MIS18BP1: variants seen among roughly 807,000 people sequenced by gnomAD.
MIS18BP1 encodes MIS18 binding protein 1, also known as mis18-binding protein 1.
A neutral mutation model predicts 116.1 loss-of-function variants in MIS18BP1; 72 were observed. The ratio of observed to expected loss-of-function variants is 0.62; its 90% CI spans 0.51 to 0.75. The LOEUF (loss-of-function observed/expected upper bound fraction) is 0.75. Among genes scored for constraint, MIS18BP1 ranks in the 30% least tolerant of loss-of-function variants. The pLI, the probability that MIS18BP1 is intolerant of heterozygous loss-of-function variation, is 0.00. For missense variants in MIS18BP1, 1,363 were observed against 1,303.2 expected (o/e 1.05, Z -0.71); for synonymous variants, 386 against 427.0 (o/e 0.90, Z 1.18).
intron 11 of MIS18BP1, among the ~76,000 whole-genome samples, chr14:45,219,884 A>T (rs1309111325): frequency 6.6e-6 from 1 of 152,264 alleles, no homozygotes; most frequent in Non-Finnish European, 1.5e-5. Flanking sequence ...ATAAGAAATT[A>T]GTACTTAACA....
intron 13 of MIS18BP1, among the ~76,000 whole-genome samples, chr14:45,211,716 C>G (rs1890678285): frequency 6.6e-6 from 1 of 152,194 alleles, no homozygotes; most frequent in Admixed American, 6.5e-5. Context: ...CCAGACACAC[C>G]TATCTGATCT....
chr14:45,203,317 C>G lies in MIS18BP1; in HGVS notation c.*792G>C, dbSNP rs1450285913. 1 of 151,942 alleles carries G rather than the reference C, an allele frequency of 6.6e-6. No individual in the cohort carries two copies. The highest frequency in any genetic ancestry group is 1.5e-5 in the Non-Finnish European group (1 of 67,990). The allele number at this position is 151,942 out of a possible 1,614,324, so 9.4% of individuals were successfully genotyped here. A position where few individuals can be genotyped will look rare whatever the true frequency, so the allele number is the denominator to read the frequency against. Reference sequence around the variant, plus strand: ...ATAACAAGCAAAAATAAGTTTATTTCTAAAAGAAATTTCAGTGAAAGAAAA... The same window carrying G: ...ATAACAAGCAAAAATAAGTTTATTTGTAAAAGAAATTTCAGTGAAAGAAAA... On this transcript the variant is annotated 3_prime_UTR_variant, in exon 17 of 17. Coordinates refer to ENST00000310806, the MANE Select transcript of MIS18BP1 (RefSeq NM_018353.5).
At chr14:45,212,225 T>C (rs962636324) in intron 13 of MIS18BP1, among the ~76,000 whole-genome samples, 1 of 152,074 alleles carries the variant, frequency 6.6e-6, no homozygotes, top group Admixed American at 6.6e-5. Context: ...CCTTAATGTG[T>C]GTATGGGCCC....
chr14:45,230,122 C>CGA (rs1435723453), intron 8 of MIS18BP1, among the ~76,000 whole-genome samples: 3 of 152,134 alleles, frequency 2.0e-5, no homozygotes, highest in Non-Finnish European at 4.4e-5. Context: ...TGAACTCTTT[C>CGA]AAGTTTTGGA....
intron 13 of MIS18BP1, among the ~76,000 whole-genome samples, chr14:45,211,007 C>T (rs1007604348): frequency 3.3e-5 from 5 of 152,172 alleles, no homozygotes; most frequent in African/African-American, 1.2e-4. Context: ...AGCCTGTAAC[C>T]GAGTAGCGTG....
chr14:45,204,615 T>C (rs532853733), intron 15 of MIS18BP1, among the ~76,000 whole-genome samples, 162 bp from the exon 16 acceptor site: 40 of 152,242 alleles, frequency 2.6e-4, no homozygotes, highest in Non-Finnish European at 3.2e-4. Context: ...AATTCTCTTT[T>C]GGGTTTATCC....
rs933681053 is a variant in MIS18BP1, at chr14:45,228,364, C to T, written c.1595-550G>A. Among the ~76,000 whole-genome samples, 6 of 152,274 alleles carry T rather than the reference C, an allele frequency of 3.9e-5. No individual in the cohort carries two copies. In the South Asian group the frequency reaches 1.2e-3, roughly 32 times the overall value. On this transcript the variant is annotated intron_variant, in intron 8 of 16. Transcript: ENST00000310806. Reference sequence around the variant, plus strand: ...TTCACGACCATCTGTTTTGGATCTCCTTTGTCACATCTAAAGACAGAATAG... The same window carrying T: ...TTCACGACCATCTGTTTTGGATCTCTTTTGTCACATCTAAAGACAGAATAG...
chr14:45,227,447 A>G (rs141691717), intron 9 of MIS18BP1, among the ~76,000 whole-genome samples: 2 of 151,650 alleles, frequency 1.3e-5, no homozygotes, highest in East Asian at 3.9e-4. Context: ...GTGGAGGTTG[A>G]GGCAGGAGAA....
At chr14:45,240,903 A>AAAAT (rs1297097801) in intron 4 of MIS18BP1, among the ~76,000 whole-genome samples, 4 of 152,094 alleles carry the variant, frequency 2.6e-5, no homozygotes, top group South Asian at 2.1e-4. Context: ...CTCTGTCTCC[A>AAAAT]AAATAAATAA....
At position 45,231,298 on chromosome 14, in the gene MIS18BP1, C is replaced by G; in HGVS notation, c.1437G>C (p.Arg479Ser). 1 of 1,569,948 alleles carries G rather than the reference C, an allele frequency of 6.4e-7. No individual in the cohort carries two copies. The change falls in exon 8 of 17, where the codon AGG becomes AGC. Residue 479 changes from arginine (R) to serine (S), a missense_variant and splice_region_variant. Transcript: ENST00000310806. The part of the protein sequence containing the change: ...EHIDNFLEQL[R>S]AGEKNREKTK... ...TCTTTTCCCTGTTCTTTTCACCAGC[C>G]CTTTAAAAACAATTATTTTATTTTT... is the stretch of plus-strand genomic sequence containing the variant.
intron 2 of MIS18BP1, among the ~76,000 whole-genome samples, chr14:45,245,528 C>G (rs1272967993): frequency 2.0e-5 from 3 of 152,094 alleles, no homozygotes; most frequent in African/African-American, 7.2e-5. Context: ...TCAAGCCCAG[C>G]TAATTTTGTA....
In MIS18BP1 at chr14:45,235,915, T is replaced by A; in HGVS notation, c.1247A>T (p.Asn416Ile). 6.2e-7 allele frequency: 1 copy of A among 1,610,970 alleles called. No individual in the cohort carries two copies. Among genetic ancestry groups the A allele is most frequent in the Non-Finnish European group, 8.5e-7 (1 of 1,178,422 alleles). ...GTGCTCAATCCGCTCTATAATTACA[T>A]TACTGTGCCAATATATGTTAGTGAC... Reference protein sequence around the residue: ...IDVTNIYWHSNVIIERIEHNK... With the variant: ...IDVTNIYWHSIVIIERIEHNK... The change falls in exon 6 of 17, where the codon AAT becomes ATT. Residue 416 changes from asparagine (N) to isoleucine (I), a missense_variant. Physicochemically the swap from Asn to Ile is moderately radical, Grantham distance 149. Coordinates refer to ENST00000310806, the MANE Select transcript of MIS18BP1 (RefSeq NM_018353.5).
At chr14:45,218,247 G>A in intron 12 of MIS18BP1, 35 bp downstream of exon 12, 1 of 1,594,030 alleles carries the variant, frequency 6.3e-7, no homozygotes, top group South Asian at 1.1e-5. Context: ...TCAACACTGA[G>A]TACTAGGAAA....
intron 11 of MIS18BP1, 140 bp from the exon 12 acceptor site, chr14:45,218,594 G>C (rs1185493530): frequency 1.2e-6 from 1 of 822,308 alleles, no homozygotes; most frequent in Non-Finnish European, 1.8e-6. Context: ...TAACAATTAA[G>C]AAAGATATTA....
intron 1 of MIS18BP1, among the ~76,000 whole-genome samples, chr14:45,251,905 C>T (rs1226948603): frequency 1.3e-5 from 2 of 152,200 alleles, no homozygotes; most frequent in Non-Finnish European, 2.9e-5. Flanking sequence ...GGAAATTCCA[C>T]TTCTAACTTG....
intron 7 of MIS18BP1, among the ~76,000 whole-genome samples, chr14:45,232,043 T>A (rs2139205998): frequency 1.3e-5 from 2 of 152,312 alleles, no homozygotes; most frequent in South Asian, 4.1e-4. Flanking sequence ...TATTTTCCTT[T>A]GAGATTTACT....
At position 45,231,009 on chromosome 14, in the gene MIS18BP1, A is replaced by T. The variant is rs1891258013; in HGVS notation, c.1594+132T>A. On this transcript the variant is annotated intron_variant, in intron 8 of 16. Transcript: ENST00000310806. The stretch of plus-strand genomic sequence containing the variant: ...CTCATATAGTAGTGAAGAAGCAGGA[A>T]TGTGGGGGCAGTATAAGTCAAAGAA... 1.3e-5 allele frequency: 10 copies of T among 787,324 alleles called. No individual in the cohort carries two copies. In the East Asian group the frequency reaches 2.4e-4, roughly 19 times the overall value. 48.8% of individuals were successfully genotyped at this position (787,324 alleles called of 1,614,324 possible).
Position 45,224,466 on chromosome 14 carries a change from T to G in MIS18BP1, c.2121A>C (p.Lys707Asn). 1 of 1,613,930 alleles carries G rather than the reference T, an allele frequency of 6.2e-7. No individual in the cohort carries two copies. The highest frequency in any genetic ancestry group is 8.5e-7 in the Non-Finnish European group (1 of 1,179,976). The change falls in exon 11 of 17, where the codon AAA becomes AAC. Residue 707 changes from lysine (K) to asparagine (N), a missense_variant. By Grantham distance (94) the Lys-to-Asn change is moderately conservative. Transcript: ENST00000310806. ...CATCGCAATCTTCCTTGTTTTTACT[T>G]TTATGACCTTCAAATGTATTTTCTA... ...GTLENTFEGH[K>N]SKNKEDCDER...
rs1891598437 is a variant in MIS18BP1 at position 45,242,252 on chromosome 14, T to A, written c.925A>T (p.Thr309Ser). ...TTCTGTTGCGAAGTCCCTTCTGTTGTCCTCTCACTATCAGAAACCATTAAC... is the reference window on the plus strand; with the variant it reads ...TTCTGTTGCGAAGTCCCTTCTGTTGACCTCTCACTATCAGAAACCATTAAC... ...SLLMVSDSER[T>S]TEGTSQQKVK... The change falls in exon 4 of 17, where the codon ACA becomes TCA. Residue 309 changes from threonine (T) to serine (S), a missense_variant. By Grantham distance (58) the Thr-to-Ser change is moderately conservative (BLOSUM62 1). Transcript: ENST00000310806. 6.2e-7 allele frequency: 1 copy of A among 1,614,166 alleles called. No homozygotes were observed. Among genetic ancestry groups the A allele is most frequent in the Non-Finnish European group, 8.5e-7 (1 of 1,180,028 alleles).
Sources: gnomAD v4.1 joint callset for allele counts (sites outside exome capture counted in the v4.1 genomes callset) on GRCh38, gnomAD v4.1.1 for gene constraint, MANE v1.5 for transcripts, NCBI Gene and HGNC (gene_info 2026-07-23, HGNC 2026-07-21) for gene names.